CDH7: variants seen among roughly 807,000 people sequenced by gnomAD.
CDH7 encodes the protein cadherin-7.
A neutral mutation model predicts 71.8 loss-of-function variants in CDH7; 25 were observed. The ratio of observed to expected loss-of-function variants is 0.35; its 90% CI spans 0.25 to 0.49. CDH7 has a LOEUF of 0.49. Among genes scored for constraint, CDH7 ranks in the 20% least tolerant of loss-of-function variants. CDH7 has a pLI of 0.99. For missense variants in CDH7, 862 were observed against 974.6 expected (o/e 0.88, Z 1.54); for synonymous variants, 381 against 363.8 (o/e 1.05, Z -0.54).
chr18:65,857,766 T>C (rs1246925523), intron 7 of CDH7, 50 bp from the exon 8 acceptor site: 22 of 1,571,980 alleles, frequency 1.4e-5, no homozygotes, highest in Non-Finnish European at 1.8e-5. Context: ...CAGCAAATTA[T>C]AATCAAACGT....
chr18:65,876,556 G>A (rs1035256598), intron 11 of CDH7, among the ~76,000 whole-genome samples: 3 of 152,036 alleles, frequency 2.0e-5, no homozygotes, highest in African/African-American at 7.2e-5. Flanking sequence ...ACTGTACCAA[G>A]TATGTTCTTC....
In CDH7 at chr18:65,781,962, TTCTCTC is replaced by T. The variant is rs575419221; in HGVS notation, c.210+18930_210+18935del. On this transcript the variant is annotated intron_variant, in intron 2 of 11. Transcript: ENST00000397968. ...TCTCTCTCTTTCTCTCTTTCTCTCT[TTCTCTC>T]TCTCTCTCTCTCTCTCTCTTTCTCT... Among the ~76,000 whole-genome samples, 59 of 45,970 alleles carry T rather than the reference TTCTCTC, an allele frequency of 1.3e-3. 6 individuals carry two copies. Among genetic ancestry groups the T allele is most frequent in the African/African-American group, 2.2e-3 (11 of 5,004 alleles). 30.2% of individuals were successfully genotyped at this position (45,970 alleles called of 152,430 possible).
chr18:65,848,972 T>TATTCA (rs1913033326), intron 7 of CDH7, among the ~76,000 whole-genome samples: 2 of 152,190 alleles, frequency 1.3e-5, no homozygotes, highest in Non-Finnish European at 2.9e-5. Context: ...GTGTATTTTT[T>TATTCA]AAGTAGCTTG....
chr18:65,843,619 C>T lies in CDH7; in HGVS notation c.982-193C>T, dbSNP rs72944052. 1.9e-3 allele frequency among the ~76,000 whole-genome samples: 292 copies of T among 152,252 alleles called. 1 individual carries two copies. Among genetic ancestry groups the T allele is most frequent in the Non-Finnish European group, 2.9e-3 (196 of 68,016 alleles). ...AGAGTGGATGAAGTTGATTCAAAAG[C>T]ACTAACCATTGTTTGTGAGCCAGGA... On this transcript the variant is annotated intron_variant, in intron 6 of 11. Transcript: ENST00000397968.
At chr18:65,822,995 A>G (rs1333738022) in intron 5 of CDH7, among the ~76,000 whole-genome samples, 1 of 151,922 alleles carries the variant, frequency 6.6e-6, no homozygotes, top group Admixed American at 6.6e-5. Flanking sequence ...TCAAGAAAAT[A>G]AAGAGATTGT....
At chr18:65,779,257 CTTT>C (rs34051231) in intron 2 of CDH7, among the ~76,000 whole-genome samples, 1 of 72,894 alleles carries the variant, frequency 1.4e-5, no homozygotes, top group African/African-American at 6.2e-5. Context: ...AGAAAACATT[CTTT>C]TTTTTTTTTT....
At chr18:65,773,578 T>A (rs775855733) in intron 2 of CDH7, among the ~76,000 whole-genome samples, 1 of 152,158 alleles carries the variant, frequency 6.6e-6, no homozygotes, top group Non-Finnish European at 1.5e-5. Context: ...TGATGCGACT[T>A]CAAGCAAACA....
chr18:65,763,486 C>T (rs1017388685), intron 2 of CDH7, among the ~76,000 whole-genome samples: 1 of 151,948 alleles, frequency 6.6e-6, no homozygotes, highest in African/African-American at 2.4e-5. Context: ...GGTGTCCTTC[C>T]CTGATACTTG....
chr18:65,769,145 A>G (rs956470310), intron 2 of CDH7, among the ~76,000 whole-genome samples: 1 of 152,214 alleles, frequency 6.6e-6, no homozygotes, highest in Non-Finnish European at 1.5e-5. Flanking sequence ...TCACAGATCC[A>G]AGAACAAACG....
chr18:65,823,056 T>A (rs1911994317), intron 5 of CDH7, among the ~76,000 whole-genome samples: 1 of 151,812 alleles, frequency 6.6e-6, no homozygotes. Flanking sequence ...CCAGTAGAAA[T>A]GGGGAACTAA....
chr18:65,804,742 A>T (rs1025159019), intron 2 of CDH7, among the ~76,000 whole-genome samples: 4 of 130,672 alleles, frequency 3.1e-5, no homozygotes, highest in African/African-American at 1.1e-4. Context: ...GAGAGAGAGA[A>T]AAAGGGAGAG....
intron 6 of CDH7, among the ~76,000 whole-genome samples, chr18:65,826,401 A>T (rs1912132746): frequency 6.6e-6 from 1 of 151,270 alleles, no homozygotes; most frequent in Non-Finnish European, 1.5e-5. Flanking sequence ...ACATTATAAA[A>T]TATTGAACAA....
At chr18:65,801,005 A>G (rs756045237) in intron 2 of CDH7, among the ~76,000 whole-genome samples, 1 of 152,150 alleles carries the variant, frequency 6.6e-6, no homozygotes, top group Non-Finnish European at 1.5e-5. Context: ...TTTTCCTGCC[A>G]TATGATTTCT....
In CDH7 at chr18:65,886,185, T is replaced by C. The variant is rs1304334657; in HGVS notation, c.*5291T>C. The C allele has an allele frequency of 2.0e-5, 3 of 152,170 alleles. No homozygotes were observed. The highest frequency in any genetic ancestry group is 4.4e-5 in the Non-Finnish European group (3 of 68,032). The allele number at this position is 152,170 out of a possible 1,614,324, so 9.4% of individuals were successfully genotyped here. A position where few individuals can be genotyped will look rare whatever the true frequency, so the allele number is the denominator to read the frequency against. ...TTGTGTTTCAGAGGCTTGTGAATGA[T>C]TAAGTGAAAGACTGTGTAAACAGTA... is the stretch of plus-strand genomic sequence containing the variant. On this transcript the variant is annotated 3_prime_UTR_variant, in exon 12 of 12. Coordinates refer to ENST00000397968, the MANE Select transcript of CDH7 (RefSeq NM_004361.5).
At chr18:65,797,433 G>A (rs1035478123) in intron 2 of CDH7, among the ~76,000 whole-genome samples, 1 of 152,164 alleles carries the variant, frequency 6.6e-6, no homozygotes, top group Non-Finnish European at 1.5e-5. Context: ...GAAAGCAGGG[G>A]ATGGAAGTTT....
intron 5 of CDH7, 31 bp from the exon 6 acceptor site, chr18:65,824,613 A>G (rs767707994): frequency 1.4e-6 from 2 of 1,455,568 alleles, no homozygotes; most frequent in Admixed American, 2.1e-5. Context: ...GTTTGGTGTA[A>G]CGTGTTCATT....
Position 65,859,729 on chromosome 18 carries a change from G to A in CDH7, c.1516G>A (p.Val506Met), listed in dbSNP as rs753804958. The change falls in exon 10 of 12, where the codon GTG becomes ATG. Residue 506 changes from valine to methionine, a missense_variant. By Grantham distance (21) the Val-to-Met change is conservative (BLOSUM62 1). Transcript: ENST00000397968. ...CTAGGTTATCCAGAAAATCAGTGCT[G>A]TGGATAAAGATGAGCCATCCAATGG... Reference protein sequence around the residue: ...PGQVIQKISAVDKDEPSNGHQ... With the variant: ...PGQVIQKISAMDKDEPSNGHQ... 2.5e-6 allele frequency: 4 copies of A among 1,606,518 alleles called. No individual in the cohort carries two copies. The Admixed American group carries it at 5.0e-5, about 20-fold the overall frequency.
intron 6 of CDH7, among the ~76,000 whole-genome samples, chr18:65,830,629 C>CCCTTCCCTTCCCTTCGCTT (rs1039955386): frequency 3.0e-4 from 2 of 6,636 alleles, no homozygotes; most frequent in Non-Finnish European, 0.013. Context: ...CCCTTCGCTT[C>CCCTTCCCTTCCCTTCGCTT]CCCTTCCCTT....
chr18:65,849,498 T>C (rs1159208022), intron 7 of CDH7, among the ~76,000 whole-genome samples: 1 of 151,012 alleles, frequency 6.6e-6, no homozygotes. Flanking sequence ...CTGCAATTTC[T>C]GCCTCCCAAG....
Sources: gnomAD v4.1 joint callset for allele counts (sites outside exome capture counted in the v4.1 genomes callset) on GRCh38, gnomAD v4.1.1 for gene constraint, MANE v1.5 for transcripts, NCBI Gene and HGNC (gene_info 2026-07-23, HGNC 2026-07-21) for gene names.